ANPEP: variants seen among roughly 807,000 people sequenced by gnomAD.
ANPEP encodes aminopeptidase N.
ANPEP carries 70 observed loss-of-function variants against 114.6 expected under a neutral mutation model. The ratio of observed to expected loss-of-function variants is 0.61; its 90% CI spans 0.50 to 0.75. ANPEP has a LOEUF of 0.75. ANPEP is among the 30% of genes least tolerant of loss of function. The pLI, the probability that ANPEP is intolerant of heterozygous loss-of-function variation, is 0.00. For synonymous variants in ANPEP, 548 were observed against 522.3 expected (o/e 1.05, Z -0.67); for missense variants, 1,184 against 1,259.5 (o/e 0.94, Z 0.91).
intron 18 of ANPEP, among the ~76,000 whole-genome samples, chr15:89,791,522 T>C (rs1163087612): frequency 2.6e-5 from 4 of 151,920 alleles, no homozygotes; most frequent in African/African-American, 9.7e-5. Context: ...ACTGTAACCT[T>C]CGCCTGCCAG....
rs757008299 is a variant in ANPEP, at chr15:89,801,595, G to A, written c.1582C>T (p.Arg528Trp). 1.5e-5 allele frequency: 24 copies of A among 1,613,722 alleles called. No homozygotes were observed. The highest frequency in any genetic ancestry group is 5.5e-5 in the South Asian group (5 of 91,056). Residue 528 changes from arginine to tryptophan, a missense_variant, in exon 11 of 21, where the codon CGG becomes TGG. Arg to Trp is a moderately radical substitution (Grantham distance 101, BLOSUM62 -3). Coordinates refer to ENST00000300060, the MANE Select transcript of ANPEP (RefSeq NM_001150.3). Reference protein sequence around the residue: ...WDHLQEAVNNRSIQLPTTVRD... With the variant: ...WDHLQEAVNNWSIQLPTTVRD... ...ACGGTGGTGGGGAGTTGGATGGACC[G>A]GTTGTTCACAGCCTGTGGGTGGAGC...
At chr15:89,808,437 G>T (rs1037402987) in intron 1 of ANPEP, among the ~76,000 whole-genome samples, 1 of 152,244 alleles carries the variant, frequency 6.6e-6, no homozygotes, top group South Asian at 2.1e-4. Context: ...CATGACAGCA[G>T]GGCCTCACCA....
At position 89,785,485 on chromosome 15, in the gene ANPEP, T is replaced by C. The variant is rs373721139; in HGVS notation, c.2768A>G (p.Lys923Arg). ...YELQQLEQFK[K>R]DNEETGFGSG... ...GCCGAAGCCTGTTTCCTCGTTGTCC[T>C]TCTTGAACTGCTCCAGCTGCCAGAA... Residue 923 changes from lysine to arginine, a missense_variant, in exon 21 of 21, where the codon AAG becomes AGG. Transcript: ENST00000300060. 4 of 1,614,018 alleles carry C rather than the reference T, an allele frequency of 2.5e-6. No individual in the cohort carries two copies. The highest frequency in any genetic ancestry group is 3.4e-6 in the Non-Finnish European group (4 of 1,179,886).
In ANPEP at chr15:89,803,355, C is replaced by A. The variant is rs1272418585; in HGVS notation, c.1504-51G>T. 6.2e-7 allele frequency: 1 copy of A among 1,613,470 alleles called. No homozygotes were observed. The highest frequency in any genetic ancestry group is 2.2e-5 in the East Asian group (1 of 44,868). ...AGCACAGCTGGAGCCCCCCAGGCTC[C>A]CCCTCTGTGGTGGGCAGAGGCCCGG... On this transcript the variant is annotated intron_variant, in intron 9 of 20. Coordinates refer to ENST00000300060, the MANE Select transcript of ANPEP (RefSeq NM_001150.3). The surrounding 1 kb of genome is among the most constrained non-coding windows in gnomAD (Gnocchi z 4.2).
At chr15:89,785,849 C>T (rs1968498119) in intron 20 of ANPEP, among the ~76,000 whole-genome samples, 1 of 151,974 alleles carries the variant, frequency 6.6e-6, no homozygotes, top group Non-Finnish European at 1.5e-5. Context: ...GATCCAGTTG[C>T]TTCAGTAAAT....
intron 12 of ANPEP, among the ~76,000 whole-genome samples, chr15:89,800,654 C>T (rs1894569823): frequency 6.6e-6 from 1 of 151,450 alleles, no homozygotes; most frequent in South Asian, 2.1e-4. Context: ...CTCTGCCTCC[C>T]AGGTTCAAGC....
At chr15:89,813,327 G>A (rs992576233) in intron 1 of ANPEP, among the ~76,000 whole-genome samples, 14 of 152,174 alleles carry the variant, frequency 9.2e-5, no homozygotes, top group Non-Finnish European at 2.1e-4. Flanking sequence ...TACAGCGATG[G>A]GGCTGGAGGC....
In ANPEP at chr15:89,793,072, TG is replaced by T. The variant is rs1968663891; in HGVS notation, c.2211del (p.Asn738ThrfsTer10). 7.4e-6 allele frequency: 12 copies of T among 1,614,100 alleles called. No homozygotes were observed. Among genetic ancestry groups the T allele is most frequent in the Non-Finnish European group, 1.0e-5 (12 of 1,179,994 alleles). ...TTTTCTGGGATCTCCCTCCAGTTGT[TG>T]GTATTATTTCTGAAGTGAATGAAGA... ...TPLFIHFRNN[T>X]NNWREIPENL... is the part of the protein sequence containing the mutation. On this transcript the variant is annotated frameshift_variant, in exon 16 of 21. Transcript: ENST00000300060. LOFTEE classifies it high-confidence loss of function.
intron 1 of ANPEP, among the ~76,000 whole-genome samples, chr15:89,808,958 T>A (rs552040201): frequency 6.6e-5 from 10 of 152,306 alleles, no homozygotes; most frequent in African/African-American, 2.4e-4. Flanking sequence ...CCTTTGAGAC[T>A]GAGGGTGTTC....
chr15:89,812,816 C>T (rs1884008151), intron 1 of ANPEP, among the ~76,000 whole-genome samples: 1 of 152,194 alleles, frequency 6.6e-6, no homozygotes, highest in East Asian at 1.9e-4. Flanking sequence ...AGCTTAACTA[C>T]ATATGCCTCC....
chr15:89,790,081 AAAAT>A (rs1350455904), intron 20 of ANPEP, among the ~76,000 whole-genome samples: 26,396 of 130,886 alleles, frequency 0.2, 3,434 homozygotes, highest in Non-Finnish European at 0.23. Context: ...AAAAATAAAA[AAAAT>A]AAAAGAATGC....
rs117465795 is a variant in ANPEP at position 89,813,350 on chromosome 15, G to C, written c.-224+1422C>G. On this transcript the variant is annotated intron_variant, in intron 1 of 20. Transcript: ENST00000300060. ...TGGGGCTGGAGGCCTTAGCTTAAAG[G>C]CTGTAGGGGTGTAAGGAGCGCCAGC... Among the ~76,000 whole-genome samples, 282 of 152,302 alleles carry C rather than the reference G, an allele frequency of 1.9e-3. 3 individuals carry two copies. The highest frequency in any genetic ancestry group is 0.018 in the Admixed American group (269 of 15,304).
At chr15:89,813,993 G>GGGGC (rs1555442942) in intron 1 of ANPEP, among the ~76,000 whole-genome samples, 1 of 137,678 alleles carries the variant, frequency 7.3e-6, no homozygotes, top group African/African-American at 2.6e-5. Context: ...CGCACTGCTG[G>GGGGC]GGGGGGGGGG....
Position 89,797,684 on chromosome 15 carries a change from G to T in ANPEP, c.2048C>A (p.Thr683Asn). The T allele has an allele frequency of 6.2e-7, 1 of 1,614,180 alleles. No individual in the cohort carries two copies. The highest frequency in any genetic ancestry group is 1.7e-5 in the Admixed American group (1 of 60,018). The change falls in exon 15 of 21, where the codon ACC (threonine) becomes AAC (asparagine). Residue 683 changes from threonine (T) to asparagine (N), a missense_variant. Thr to Asn is a moderately conservative substitution (Grantham distance 65). Coordinates refer to ENST00000300060, the MANE Select transcript of ANPEP (RefSeq NM_001150.3). Reference sequence around the variant, plus strand: ...CTGTCTCTCTTCAATCAGGAAGAGGGTGTTGTTCAGCGCCAGAGTGACAGG... The same window carrying T: ...CTGTCTCTCTTCAATCAGGAAGAGGTTGTTGTTCAGCGCCAGAGTGACAGG... ...KVPVTLALNN[T>N]LFLIEERQYM...
intron 18 of ANPEP, among the ~76,000 whole-genome samples, chr15:89,791,587 G>A (rs1444656447): frequency 6.7e-6 from 1 of 148,846 alleles, no homozygotes; most frequent in Non-Finnish European, 1.5e-5. Context: ...ACAGGCATGT[G>A]CCACCATGCC....
At chr15:89,813,999 G>A (rs576956830) in intron 1 of ANPEP, among the ~76,000 whole-genome samples, 2 of 151,132 alleles carry the variant, frequency 1.3e-5, no homozygotes, top group Admixed American at 6.6e-5. Flanking sequence ...GCTGGGGGGG[G>A]GGGGTGCGTT....
At chr15:89,795,584 G>C (rs1049891385) in intron 15 of ANPEP, among the ~76,000 whole-genome samples, 1 of 152,170 alleles carries the variant, frequency 6.6e-6, no homozygotes, top group African/African-American at 2.4e-5. Context: ...ATGGCTCTGG[G>C]CATCGCATCA....
chr15:89,793,005 A>G (rs1596162252), intron 16 of ANPEP, 30 bp downstream of exon 16: 4 of 1,590,352 alleles, frequency 2.5e-6, no homozygotes, highest in Non-Finnish European at 3.5e-6. Flanking sequence ...GGTGCCCAGG[A>G]CTTCCAAACC....
At chr15:89,805,667 T>A (rs1894696122) in intron 2 of ANPEP, among the ~76,000 whole-genome samples, 1 of 152,158 alleles carries the variant, frequency 6.6e-6, no homozygotes, top group South Asian at 2.1e-4. Context: ...TCCTTCTGGA[T>A]TCGGGGTGCC....
Sources: allele counts gnomAD v4.1 joint callset (sites outside exome capture counted in the v4.1 genomes callset), GRCh38; gene constraint gnomAD v4.1.1; non-coding constraint Gnocchi (gnomAD v3.1); transcripts MANE v1.5; gene names NCBI Gene and HGNC (gene_info 2026-07-23, HGNC 2026-07-21).